The following EPB41L5 variants were observed in gnomAD, a reference collection of about 807,000 sequenced individuals.
EPB41L5 encodes band 4.1-like protein 5.
A neutral mutation model predicts 106.6 loss-of-function variants in EPB41L5; 55 were observed. The ratio of observed to expected loss-of-function variants is 0.52; its 90% CI spans 0.42 to 0.65. EPB41L5 has a LOEUF of 0.65. Ranked by LOEUF, EPB41L5 falls within the 30% of genes least tolerant of loss-of-function variation. The pLI is 0.00. For synonymous variants in EPB41L5, 297 were observed against 306.7 expected (o/e 0.97, Z 0.33); for missense variants, 871 against 882.1 (o/e 0.99, Z 0.16).
intron 3 of EPB41L5, among the ~76,000 whole-genome samples, chr2:120,045,911 T>A (rs1031933948): frequency 2.0e-5 from 3 of 152,146 alleles, no homozygotes; most frequent in African/African-American, 7.2e-5. Context: ...ATATGTTGTT[T>A]GGTTTTCTGT....
intron 17 of EPB41L5, among the ~76,000 whole-genome samples, chr2:120,129,053 G>A (rs1041073729): frequency 2.6e-5 from 4 of 152,136 alleles, no homozygotes; most frequent in African/African-American, 9.7e-5. Context: ...ACTGGGAAAG[G>A]GCTGAAAAAC....
At chr2:120,039,192 T>C (rs1032542399) in intron 2 of EPB41L5, among the ~76,000 whole-genome samples, 2 of 152,120 alleles carry the variant, frequency 1.3e-5, no homozygotes, top group Non-Finnish European at 2.9e-5. Context: ...AATACTGTTA[T>C]GATTCTACTT....
intron 16 of EPB41L5, among the ~76,000 whole-genome samples, chr2:120,115,234 A>C (rs1684893755): frequency 1.3e-5 from 2 of 152,172 alleles, no homozygotes; most frequent in Admixed American, 1.3e-4. Flanking sequence ...TTAATTGGAC[A>C]GTTTAACATT....
At chr2:120,076,629 A>G in intron 7 of EPB41L5, among the ~76,000 whole-genome samples, 1 of 151,788 alleles carries the variant, frequency 6.6e-6, no homozygotes, top group East Asian at 1.9e-4. Flanking sequence ...ATGCCAGTTA[A>G]TTGTCTTTTA....
intron 20 of EPB41L5, 30 bp downstream of exon 20, chr2:120,146,319 G>A (rs1686402284): frequency 1.3e-6 from 2 of 1,507,896 alleles, no homozygotes; most frequent in East Asian, 2.3e-5. Flanking sequence ...GAATTAAATT[G>A]ATGTTCTTAT....
At position 120,090,418 on chromosome 2, in the gene EPB41L5, T is replaced by C. The variant is rs1333967530; in HGVS notation, c.945T>C (p.Cys315=). 1 of 1,613,672 alleles carries C rather than the reference T, an allele frequency of 6.2e-7. No homozygotes were observed. Residue 315 remains cysteine (C), a synonymous_variant, in exon 12 of 25, where the codon TGT becomes TGC. Coordinates refer to ENST00000263713, the MANE Select transcript of EPB41L5 (RefSeq NM_020909.4). The stretch of plus-strand genomic sequence containing the variant: ...AAGCATGCAAACATTTATGGAAATG[T>C]GCTGTGGAGCATCATGCTTTCTTCC... ...HPKACKHLWK[C]AVEHHAFFRL...
intron 14 of EPB41L5, among the ~76,000 whole-genome samples, chr2:120,099,068 A>G (rs1043020012): frequency 2.6e-5 from 4 of 152,358 alleles, no homozygotes; most frequent in South Asian, 2.1e-4. Context: ...TGGCTGAACA[A>G]TAGGGGATCG....
chr2:120,103,495 A>C (rs979988565), intron 16 of EPB41L5, among the ~76,000 whole-genome samples: 1 of 152,198 alleles, frequency 6.6e-6, no homozygotes, highest in Non-Finnish European at 1.5e-5. Flanking sequence ...CTCTATTGCT[A>C]ATTGGGAACA....
At chr2:120,149,819 G>A (rs1359176040) in intron 20 of EPB41L5, among the ~76,000 whole-genome samples, 1 of 151,288 alleles carries the variant, frequency 6.6e-6, no homozygotes. Context: ...TACAACCACT[G>A]CACCATTTTC....
intron 3 of EPB41L5, among the ~76,000 whole-genome samples, chr2:120,055,424 A>G (rs1320300218): frequency 6.6e-6 from 1 of 151,822 alleles, no homozygotes; most frequent in Non-Finnish European, 1.5e-5. Context: ...TGCCATTTTA[A>G]CAATGTAGTC....
At chr2:120,099,362 T>C (rs529929743) in intron 14 of EPB41L5, among the ~76,000 whole-genome samples, 3 of 151,394 alleles carry the variant, frequency 2.0e-5, no homozygotes, top group South Asian at 4.2e-4. Context: ...TTTTGTATTA[T>C]AGGTTGAGGG....
intron 2 of EPB41L5, among the ~76,000 whole-genome samples, chr2:120,031,299 T>G (rs1264460144): frequency 2.0e-5 from 3 of 152,210 alleles, no homozygotes; most frequent in Admixed American, 2.0e-4. Context: ...TTCCCCTGTC[T>G]TGATAAATTG....
chr2:120,026,301 C>A (rs1332299994), intron 2 of EPB41L5, among the ~76,000 whole-genome samples: 1 of 152,164 alleles, frequency 6.6e-6, no homozygotes. Context: ...ATATCCATCA[C>A]CTCAAACATT....
chr2:120,026,493 G>A (rs952559049), intron 2 of EPB41L5, among the ~76,000 whole-genome samples: 3 of 151,918 alleles, frequency 2.0e-5, no homozygotes, highest in South Asian at 2.1e-4. Flanking sequence ...CTCAGCCTCC[G>A]GAGTAGCTGG....
At chr2:120,071,451 A>G (rs979402147) in intron 3 of EPB41L5, among the ~76,000 whole-genome samples, 1 of 150,618 alleles carries the variant, frequency 6.6e-6, no homozygotes, top group African/African-American at 2.4e-5. Context: ...AGCTACCTGA[A>G]AAAGAGCCCG....
intron 24 of EPB41L5, 111 bp from the exon 25 acceptor site, chr2:120,174,730 T>A: frequency 2.3e-6 from 2 of 876,388 alleles, no homozygotes; most frequent in Non-Finnish European, 3.9e-6. Context: ...TTGACTTAGG[T>A]CTGTAATCTG....
At chr2:120,096,805 A>G (rs1281415483) in intron 14 of EPB41L5, among the ~76,000 whole-genome samples, 2 of 152,208 alleles carry the variant, frequency 1.3e-5, no homozygotes, top group African/African-American at 2.4e-5. Context: ...ATAAAAAGAA[A>G]AAGAAAAATG....
intron 18 of EPB41L5, among the ~76,000 whole-genome samples, chr2:120,138,197 T>C (rs1454895524): frequency 1.3e-5 from 2 of 151,952 alleles, no homozygotes; most frequent in African/African-American, 4.8e-5. Context: ...AAACTGGGTA[T>C]AGATGGAACA....
At chr2:120,016,528 A>G (rs772658763) in intron 1 of EPB41L5, among the ~76,000 whole-genome samples, 9 of 152,286 alleles carry the variant, frequency 5.9e-5, no homozygotes, top group Middle Eastern at 3.4e-3. Context: ...TCTTTTTTAC[A>G]CTATCTTGAG....
Sources: gnomAD v4.1 joint callset for allele counts (sites outside exome capture counted in the v4.1 genomes callset) on GRCh38, gnomAD v4.1.1 for gene constraint, MANE v1.5 for transcripts, NCBI Gene and HGNC (gene_info 2026-07-23, HGNC 2026-07-21) for gene names.